JPH3: variants seen among roughly 807,000 people sequenced by gnomAD.
JPH3 encodes the protein junctophilin-3.
A neutral mutation model predicts 59.6 loss-of-function variants in JPH3; 11 were observed. That is an observed-to-expected ratio of 0.18 (90% confidence interval 0.12 to 0.31). The LOEUF (loss-of-function observed/expected upper bound fraction) is 0.31. Among genes scored for constraint, JPH3 ranks in the 10% least tolerant of loss-of-function variants. JPH3 has a pLI of 1.00. For missense variants in JPH3, 1,202 were observed against 1,105.7 expected (o/e 1.09, Z -1.24); for synonymous variants, 673 against 483.6 (o/e 1.39, Z -5.14).
At chr16:87,691,348 C>T (rs902522921) in intron 4 of JPH3, among the ~76,000 whole-genome samples, 8 of 152,180 alleles carry the variant, frequency 5.3e-5, no homozygotes, top group African/African-American at 1.4e-4. Flanking sequence ...ATAGGATCTG[C>T]GCACGGCCAG....
At chr16:87,695,575 CTG>C (rs2033797917) in intron 4 of JPH3, 1 of 455,648 alleles carries the variant, frequency 2.2e-6, no homozygotes, top group Non-Finnish European at 4.4e-6. Context: ...TGGAAGCAGA[CTG>C]TGGGCAAGAC....
chr16:87,605,919 A>G (rs2030501811), intron 1 of JPH3, among the ~76,000 whole-genome samples: 1 of 152,228 alleles, frequency 6.6e-6, no homozygotes. Flanking sequence ...GGGGAGCTTC[A>G]TGGCCGGCTC....
chr16:87,687,721 G>A (rs185138087), intron 3 of JPH3, among the ~76,000 whole-genome samples: 47 of 152,312 alleles, frequency 3.1e-4, no homozygotes, highest in African/African-American at 1.1e-3. Context: ...CATTCTAGCT[G>A]AGGGTGCCCT....
intron 2 of JPH3, chr16:87,653,903 C>T (rs1218496241): frequency 3.3e-5 from 5 of 152,234 alleles, no homozygotes; most frequent in African/African-American, 2.4e-5. Context: ...ATGACCCCTG[C>T]CCACGACACT....
At chr16:87,634,875 A>G (rs2031682743) in intron 1 of JPH3, among the ~76,000 whole-genome samples, 1 of 152,238 alleles carries the variant, frequency 6.6e-6, no homozygotes, top group East Asian at 1.9e-4. Context: ...CGTAGGTTTC[A>G]GTCCCGCTCT....
intron 1 of JPH3, among the ~76,000 whole-genome samples, chr16:87,605,373 G>A (rs1469289915): frequency 6.6e-6 from 1 of 152,180 alleles, no homozygotes; most frequent in African/African-American, 2.4e-5. Context: ...TGAGCCAGGT[G>A]TGCCAGGCTC....
chr16:87,642,006 C>T (rs912679370), intron 1 of JPH3, among the ~76,000 whole-genome samples: 1 of 152,092 alleles, frequency 6.6e-6, no homozygotes, highest in African/African-American at 2.4e-5. Context: ...TGGCTTGGAG[C>T]CCATGGGATT....
At chr16:87,663,115 C>CTTTTTTTTTTTTTTTT (rs60196379) in intron 2 of JPH3, among the ~76,000 whole-genome samples, 12 of 143,432 alleles carry the variant, frequency 8.4e-5, no homozygotes, top group South Asian at 2.2e-4. Flanking sequence ...TAATTTCTTT[C>CTTTTTTTTTTTTTTTT]TTTTTTTTTT....
chr16:87,656,916 A>C (rs1208988167), intron 2 of JPH3, among the ~76,000 whole-genome samples: 1 of 152,144 alleles, frequency 6.6e-6, no homozygotes, highest in African/African-American at 2.4e-5. Context: ...CGCTCTGTTC[A>C]CGGGGCTTTC....
Position 87,696,944 on chromosome 16 carries a change from G to A in JPH3, c.*284G>A, listed in dbSNP as rs2033889779. The A allele has an allele frequency of 4.6e-6, 2 of 430,954 alleles. No homozygotes were observed. The highest frequency in any genetic ancestry group is 4.3e-6 in the Non-Finnish European group (1 of 231,522). The allele number at this position is 430,954 out of a possible 1,614,324, so 26.7% of individuals were successfully genotyped here. A position where few individuals can be genotyped will look rare whatever the true frequency, so the allele number is the denominator to read the frequency against. On this transcript the variant is annotated 3_prime_UTR_variant, in exon 5 of 5. Coordinates refer to ENST00000284262, the MANE Select transcript of JPH3 (RefSeq NM_020655.4). ...CCTCCAGCTCCACGTGGAGACAGAA[G>A]GGATCCCGGCACATCAGTGGTAACA...
At chr16:87,622,978 CAG>C (rs986728312) in intron 1 of JPH3, among the ~76,000 whole-genome samples, 9 of 152,114 alleles carry the variant, frequency 5.9e-5, no homozygotes, top group African/African-American at 2.2e-4. Flanking sequence ...CTGGGTCCCA[CAG>C]GGGGGTAAGT....
chr16:87,648,070 C>G (rs747991010), intron 2 of JPH3, among the ~76,000 whole-genome samples: 1 of 152,162 alleles, frequency 6.6e-6, no homozygotes, highest in African/African-American at 2.4e-5. Context: ...CATCCTCCCC[C>G]AGCCCTGCTG....
chr16:87,644,717 A>ACGC lies in JPH3; in HGVS notation c.844_846dup (p.Ala282dup). On this transcript the variant is annotated inframe_insertion, in exon 2 of 5. Coordinates refer to ENST00000284262, the MANE Select transcript of JPH3 (RefSeq NM_020655.4). ...CTGGCGGTCATCGAGGACGACATCG[A>ACGC]CGCCACCACCACCGAGACCTACGTG... The ACGC allele has an allele frequency of 6.2e-7, 1 of 1,612,104 alleles. No homozygotes were observed. Among genetic ancestry groups the ACGC allele is most frequent in the Non-Finnish European group, 8.5e-7 (1 of 1,179,796 alleles).
At chr16:87,614,008 A>G (rs939811023) in intron 1 of JPH3, among the ~76,000 whole-genome samples, 1 of 151,992 alleles carries the variant, frequency 6.6e-6, no homozygotes, top group Non-Finnish European at 1.5e-5. Context: ...CCAGGGGCCC[A>G]CTTGCTTTAC....
chr16:87,646,635 C>G (rs1163559630), intron 2 of JPH3, among the ~76,000 whole-genome samples: 2 of 152,168 alleles, frequency 1.3e-5, no homozygotes, highest in Non-Finnish European at 2.9e-5. Context: ...GAATTTCTTT[C>G]CTCTGTGTTT....
At chr16:87,695,824 C>T (rs1255510171) in intron 4 of JPH3, 1 of 455,918 alleles carries the variant, frequency 2.2e-6, no homozygotes, top group Admixed American at 2.4e-5. Context: ...TGAGACGTGT[C>T]CTACCTGGCC....
At chr16:87,650,978 T>C (rs2032309502) in intron 2 of JPH3, among the ~76,000 whole-genome samples, 1 of 152,266 alleles carries the variant, frequency 6.6e-6, no homozygotes, top group African/African-American at 2.4e-5. Context: ...TCTAGGACTT[T>C]CATGCTAGGA....
chr16:87,622,035 G>A (rs1049717349), intron 1 of JPH3, among the ~76,000 whole-genome samples: 3 of 152,168 alleles, frequency 2.0e-5, no homozygotes, highest in Non-Finnish European at 4.4e-5. Context: ...GGTCACTGGG[G>A]TGTTCTGGGA....
At chr16:87,650,675 T>C (rs1235668654) in intron 2 of JPH3, among the ~76,000 whole-genome samples, 2 of 152,202 alleles carry the variant, frequency 1.3e-5, no homozygotes, top group African/African-American at 2.4e-5. Flanking sequence ...ATTGCTGATA[T>C]GGAGAAAATT....
Sources: allele counts gnomAD v4.1 joint callset (sites outside exome capture counted in the v4.1 genomes callset), GRCh38; gene constraint gnomAD v4.1.1; transcripts MANE v1.5; gene names NCBI Gene and HGNC (gene_info 2026-07-23, HGNC 2026-07-21).